THSD7B: variants seen among roughly 807,000 people sequenced by gnomAD.
THSD7B encodes the protein thrombospondin type 1 domain containing 7B, also known as thrombospondin type-1 domain-containing protein 7B.
In THSD7B, 138 loss-of-function variants were observed where a neutral mutation model predicts 213.6. That is an observed-to-expected ratio of 0.65 (90% CI 0.56 to 0.74). The LOEUF (loss-of-function observed/expected upper bound fraction) is 0.74, where lower values mean the gene tolerates loss of function less well. THSD7B is among the 30% of genes least tolerant of loss of function. The pLI is 0.00. For synonymous variants in THSD7B, 742 were observed against 687.0 expected (o/e 1.08, Z -1.25); for missense variants, 1,931 against 1,991.5 (o/e 0.97, Z 0.58).
rs756206353 is a variant in THSD7B at position 137,245,056 on chromosome 2, CCCT to C, written c.2266+2495_2266+2497del. 4.6e-5 allele frequency among the ~76,000 whole-genome samples: 7 copies of C among 152,064 alleles called. No individual in the cohort carries two copies. The East Asian group carries it at 1.4e-3, about 29-fold the overall frequency. On this transcript the variant is annotated intron_variant, in intron 10 of 27. Coordinates refer to ENST00000409968, the MANE Select transcript of THSD7B (RefSeq NM_001316349.2). ...GAAGCTAGGGCCCCCTGAATGGTGA[CCCT>C]CCTCCTCCTCGTCTCCCTCATTCTG...
chr2:136,852,943 T>G (rs890818426), intron 1 of THSD7B, among the ~76,000 whole-genome samples: 3 of 152,186 alleles, frequency 2.0e-5, no homozygotes, highest in African/African-American at 4.8e-5. Context: ...ACAGAAAGGT[T>G]GAAAGTACTT....
intron 2 of THSD7B, among the ~76,000 whole-genome samples, chr2:136,889,582 T>C: frequency 6.6e-6 from 1 of 152,258 alleles, no homozygotes; most frequent in East Asian, 1.9e-4. Flanking sequence ...CTTGTTCAGC[T>C]TTTTCTTTTA....
chr2:136,800,871 A>T (rs928965597), intron 1 of THSD7B, among the ~76,000 whole-genome samples: 5 of 151,916 alleles, frequency 3.3e-5, no homozygotes, highest in Admixed American at 6.6e-5. Flanking sequence ...TGTAGATCTT[A>T]GAGACTTACT....
rs769136636 is a variant in THSD7B, at chr2:137,056,803, C to G, written c.523C>G (p.Pro175Ala). The G allele has an allele frequency of 5.6e-6, 9 of 1,613,940 alleles. No individual in the cohort carries two copies. Among genetic ancestry groups the G allele is most frequent in the Non-Finnish European group, 7.6e-6 (9 of 1,179,878 alleles). ...TCCTACAGAACAGGCTTGCCTCATT[C>G]CTTGTCCCCGGGATTGTGTAGTATC... ...QPPTEQACLI[P>A]CPRDCVVSEF... is the part of the protein sequence containing the mutation. Residue 175 changes from proline (P) to alanine (A), a missense_variant, in exon 3 of 28, where the codon CCT becomes GCT. By Grantham distance (27) the Pro-to-Ala change is conservative. Transcript: ENST00000409968.
chr2:137,324,051 A>G (rs1395359135), intron 12 of THSD7B, among the ~76,000 whole-genome samples: 2 of 152,324 alleles, frequency 1.3e-5, no homozygotes, highest in Admixed American at 1.3e-4. Flanking sequence ...GACTTGGATT[A>G]TCTTTTCCCT....
chr2:137,572,802 C>G (rs1681383492), intron 17 of THSD7B, among the ~76,000 whole-genome samples: 1 of 152,074 alleles, frequency 6.6e-6, no homozygotes, highest in Admixed American at 6.6e-5. Flanking sequence ...GGAAAATGAG[C>G]CTATAATGAT....
chr2:137,385,874 T>G (rs1390679554), intron 12 of THSD7B, among the ~76,000 whole-genome samples: 1 of 152,238 alleles, frequency 6.6e-6, no homozygotes, highest in Non-Finnish European at 1.5e-5. Flanking sequence ...ACTAATTTAT[T>G]ACACCTTTTA....
At chr2:137,457,843 A>G (rs938051482) in intron 15 of THSD7B, among the ~76,000 whole-genome samples, 5 of 152,202 alleles carry the variant, frequency 3.3e-5, no homozygotes, top group Non-Finnish European at 5.9e-5. Context: ...GAATTAACAG[A>G]TAAAAATGCA....
chr2:137,096,911 C>A (rs968569516), intron 4 of THSD7B, among the ~76,000 whole-genome samples: 1 of 152,206 alleles, frequency 6.6e-6, no homozygotes, highest in Admixed American at 6.5e-5. Context: ...GGTGGCGCTG[C>A]AAGAAGGATG....
chr2:136,991,452 G>C (rs531369141), intron 2 of THSD7B, among the ~76,000 whole-genome samples: 1 of 152,176 alleles, frequency 6.6e-6, no homozygotes, highest in South Asian at 2.1e-4. Context: ...GAGCGAGAGA[G>C]AGTCTCTCTT....
intron 5 of THSD7B, 146 bp from the exon 6 acceptor site, chr2:137,160,067 A>C: frequency 1.1e-6 from 1 of 937,294 alleles, no homozygotes; most frequent in Admixed American, 3.3e-5. Context: ...TAAACAACAC[A>C]TATTAGAAAG....
intron 15 of THSD7B, among the ~76,000 whole-genome samples, chr2:137,514,373 C>T (rs1309940914): frequency 6.6e-6 from 1 of 152,154 alleles, no homozygotes; most frequent in Middle Eastern, 3.2e-3. Flanking sequence ...GCCTCCCAGC[C>T]TCATCTTTCT....
intron 9 of THSD7B, among the ~76,000 whole-genome samples, chr2:137,234,519 T>A (rs937600323): frequency 2.0e-5 from 3 of 152,074 alleles, no homozygotes; most frequent in African/African-American, 7.2e-5. Flanking sequence ...GTTTTGCAAA[T>A]ACACATGAAG....
intron 2 of THSD7B, among the ~76,000 whole-genome samples, chr2:136,907,945 G>A (rs1040720367): frequency 2.6e-5 from 4 of 152,170 alleles, no homozygotes; most frequent in Non-Finnish European, 4.4e-5. Flanking sequence ...TTTGGCATAG[G>A]CAGCTATAAT....
chr2:137,133,943 AC>A (rs942952204), intron 5 of THSD7B, among the ~76,000 whole-genome samples: 94 of 152,290 alleles, frequency 6.2e-4, no homozygotes, highest in African/African-American at 2.1e-3. Flanking sequence ...GCTACTGGCT[AC>A]CATGTTGGAC....
At chr2:137,189,597 C>A (rs2375116) in intron 7 of THSD7B, among the ~76,000 whole-genome samples, 6,995 of 151,728 alleles carry the variant, frequency 0.046, 198 homozygotes, top group Admixed American at 0.069. Flanking sequence ...GCTCCATCCA[C>A]AGGTTCCTGT....
At chr2:136,976,616 T>A (rs1044555190) in intron 2 of THSD7B, among the ~76,000 whole-genome samples, 1 of 152,082 alleles carries the variant, frequency 6.6e-6, no homozygotes, top group Non-Finnish European at 1.5e-5. Context: ...ATCAGAGATA[T>A]TGGCCTGAAG....
chr2:137,264,268 T>A (rs1487556505), intron 10 of THSD7B, among the ~76,000 whole-genome samples: 1 of 152,110 alleles, frequency 6.6e-6, no homozygotes, highest in African/African-American at 2.4e-5. Flanking sequence ...TTTTTCTTTT[T>A]TTGAGACAGA....
chr2:136,972,856 G>A (rs1685425691), intron 2 of THSD7B, among the ~76,000 whole-genome samples: 1 of 152,002 alleles, frequency 6.6e-6, no homozygotes, highest in Admixed American at 6.6e-5. Context: ...GGGTGTGGGG[G>A]CAACTACACA....
Sources: gnomAD v4.1 joint callset for allele counts (sites outside exome capture counted in the v4.1 genomes callset) on GRCh38, gnomAD v4.1.1 for gene constraint, MANE v1.5 for transcripts, NCBI Gene and HGNC (gene_info 2026-07-23, HGNC 2026-07-21) for gene names.